KCNQ5: variants seen among roughly 807,000 people sequenced by gnomAD.
The protein encoded by KCNQ5 is potassium voltage-gated channel subfamily KQT member 5.
In KCNQ5, 30 loss-of-function variants were observed where a neutral mutation model predicts 98.2. The observed-to-expected ratio is 0.31, with a 90% confidence interval of 0.23 to 0.41. The LOEUF (loss-of-function observed/expected upper bound fraction) is 0.41. Among genes scored for constraint, KCNQ5 ranks in the 10% least tolerant of loss-of-function variants. The probability of loss-of-function intolerance (pLI) is 1.00; values close to 1 mark genes in which losing one functional copy is unlikely to be tolerated. For missense variants in KCNQ5, 835 were observed against 1,182.5 expected (o/e 0.71, Z 4.31); for synonymous variants, 458 against 449.4 (o/e 1.02, Z -0.24).
intron 1 of KCNQ5, among the ~76,000 whole-genome samples, chr6:72,969,009 C>T (rs552521218): frequency 2.0e-5 from 3 of 152,262 alleles, no homozygotes; most frequent in East Asian, 1.9e-4. Flanking sequence ...TGAAAATAGC[C>T]AACTTGGGTT....
intron 3 of KCNQ5, among the ~76,000 whole-genome samples, chr6:73,068,130 T>C (rs930246936): frequency 3.0e-4 from 46 of 152,062 alleles, no homozygotes; most frequent in African/African-American, 1.1e-3. Context: ...ACATCGTCTC[T>C]ACTAGAAATA....
intron 1 of KCNQ5, among the ~76,000 whole-genome samples, chr6:72,724,696 C>CTG (rs1770168634): frequency 6.6e-6 from 1 of 152,148 alleles, no homozygotes. Context: ...TCCTTGGCCA[C>CTG]TGTGCATGAG....
At position 73,116,881 on chromosome 6, in the gene KCNQ5, A is replaced by T. The variant is rs559484035; in HGVS notation, c.1126-3602A>T. ...AGCTCTGTGTTCATTATTCCTTTGG[A>T]TGGTCAGCTGAAACCTTCTAAACCA... On this transcript the variant is annotated intron_variant, in intron 7 of 13. Transcript: ENST00000370398. Among the ~76,000 whole-genome samples the T allele has an allele frequency of 3.3e-5, 5 of 152,302 alleles. No individual in the cohort carries two copies. The South Asian group carries it at 8.3e-4, about 25-fold the overall frequency.
At chr6:72,865,986 A>G (rs9342979) in intron 1 of KCNQ5, among the ~76,000 whole-genome samples, 61,246 of 151,984 alleles carry the variant, frequency 0.4, 13,033 homozygotes, top group South Asian at 0.51. Context: ...AACATATACT[A>G]TATCTTGAGA....
intron 1 of KCNQ5, among the ~76,000 whole-genome samples, chr6:72,796,158 A>G (rs1391146822): frequency 6.6e-6 from 1 of 152,168 alleles, no homozygotes; most frequent in African/African-American, 2.4e-5. Context: ...ATATTTGCCT[A>G]TTATAGGCAA....
chr6:72,947,773 A>T (rs1766614308), intron 1 of KCNQ5, among the ~76,000 whole-genome samples: 1 of 152,120 alleles, frequency 6.6e-6, no homozygotes, highest in African/African-American at 2.4e-5. Context: ...CAAATATTAA[A>T]TTATGAGACT....
intron 2 of KCNQ5, among the ~76,000 whole-genome samples, chr6:73,032,307 A>G (rs911547232): frequency 6.6e-6 from 1 of 152,158 alleles, no homozygotes; most frequent in African/African-American, 2.4e-5. Flanking sequence ...AGCTGGGATT[A>G]CAGGCACCTG....
intron 10 of KCNQ5, among the ~76,000 whole-genome samples, chr6:73,139,123 C>T (rs540907952): frequency 3.9e-5 from 6 of 152,362 alleles, no homozygotes; most frequent in African/African-American, 9.6e-5. Context: ...AAAATGGCTA[C>T]AGCAGTTGCA....
intron 3 of KCNQ5, among the ~76,000 whole-genome samples, chr6:73,067,537 C>A (rs1484032524): frequency 1.3e-5 from 2 of 152,080 alleles, no homozygotes; most frequent in Non-Finnish European, 2.9e-5. Flanking sequence ...CCCAAGGTCA[C>A]ACAACTAAGA....
At chr6:72,711,686 G>T (rs1769376280) in intron 1 of KCNQ5, among the ~76,000 whole-genome samples, 4 of 152,112 alleles carry the variant, frequency 2.6e-5, no homozygotes, top group Admixed American at 2.6e-4. Flanking sequence ...CCTATCCAAA[G>T]GTCCCAGGTG....
intron 1 of KCNQ5, among the ~76,000 whole-genome samples, chr6:72,857,288 C>G (rs1459048832): frequency 6.6e-6 from 1 of 151,344 alleles, no homozygotes; most frequent in Admixed American, 6.6e-5. Context: ...TTTTCATTTC[C>G]CTAGGCATTT....
At chr6:73,059,662 C>T (rs1772691189) in intron 3 of KCNQ5, among the ~76,000 whole-genome samples, 1 of 152,046 alleles carries the variant, frequency 6.6e-6, no homozygotes, top group African/African-American at 2.4e-5. Context: ...ATCTTATTTT[C>T]ATAGAAATCA....
At chr6:72,792,247 A>T (rs765830557) in intron 1 of KCNQ5, among the ~76,000 whole-genome samples, 2 of 152,070 alleles carry the variant, frequency 1.3e-5, no homozygotes, top group Non-Finnish European at 2.9e-5. Context: ...CTCTTTTACC[A>T]TGCCCATTTA....
intron 1 of KCNQ5, among the ~76,000 whole-genome samples, chr6:72,768,061 T>G (rs916120546): frequency 6.6e-6 from 1 of 152,044 alleles, no homozygotes; most frequent in African/African-American, 2.4e-5. Flanking sequence ...AGAAGCATTG[T>G]TCATAATAGC....
At chr6:72,831,451 C>A (rs1241383569) in intron 1 of KCNQ5, among the ~76,000 whole-genome samples, 1 of 151,920 alleles carries the variant, frequency 6.6e-6, no homozygotes, top group Non-Finnish European at 1.5e-5. Context: ...AAGCTGGAAA[C>A]CATCATTCTC....
At chr6:73,110,466 A>T (rs1775198631) in intron 6 of KCNQ5, among the ~76,000 whole-genome samples, 1 of 152,216 alleles carries the variant, frequency 6.6e-6, no homozygotes, top group Non-Finnish European at 1.5e-5. Context: ...GATGATAAGC[A>T]GAAGAAAAGC....
chr6:72,703,174 T>C (rs2154474726), intron 1 of KCNQ5, among the ~76,000 whole-genome samples: 1 of 152,366 alleles, frequency 6.6e-6, no homozygotes, highest in Middle Eastern at 3.4e-3. Context: ...ATTTGTCATC[T>C]ACTCTGCCCT....
intron 1 of KCNQ5, among the ~76,000 whole-genome samples, chr6:72,730,943 G>A (rs182602431): frequency 8.9e-4 from 112 of 125,566 alleles, no homozygotes; most frequent in Admixed American, 3.2e-3. Context: ...AACATAGTAC[G>A]CATTTCTATT....
chr6:72,786,105 A>G (rs1003748762), intron 1 of KCNQ5, among the ~76,000 whole-genome samples: 1 of 152,228 alleles, frequency 6.6e-6, no homozygotes, highest in Non-Finnish European at 1.5e-5. Flanking sequence ...AATTGTTATG[A>G]CATATAAAAA....
Sources: gnomAD v4.1 joint callset for allele counts (sites outside exome capture counted in the v4.1 genomes callset) on GRCh38, gnomAD v4.1.1 for gene constraint, MANE v1.5 for transcripts, NCBI Gene and HGNC (gene_info 2026-07-23, HGNC 2026-07-21) for gene names.